The following MSRA variants were observed in gnomAD, a reference collection of about 807,000 sequenced individuals.
MSRA encodes mitochondrial peptide methionine sulfoxide reductase.
A neutral mutation model predicts 31.3 loss-of-function variants in MSRA; 54 were observed. The ratio of observed to expected loss-of-function variants is 1.73; its 90% CI spans 1.39 to 2.17. The LOEUF is 2.17. Among genes scored for constraint, MSRA ranks in the 30% most tolerant of loss-of-function variants. The pLI is 0.00. For synonymous variants in MSRA, 169 were observed against 116.5 expected (o/e 1.45, Z -2.90); for missense variants, 507 against 300.9 (o/e 1.69, Z -5.07).
chr8:10,305,911 A>G (rs1801114002), intron 4 of MSRA, among the ~76,000 whole-genome samples: 2 of 152,236 alleles, frequency 1.3e-5, no homozygotes, highest in South Asian at 4.1e-4. Flanking sequence ...GTGGTCAGTA[A>G]GTGGAATAGT....
chr8:10,062,330 C>CA (rs945109627), intron 1 of MSRA, among the ~76,000 whole-genome samples: 1 of 152,226 alleles, frequency 6.6e-6, no homozygotes, highest in African/African-American at 2.4e-5. Context: ...GAGATGCTTT[C>CA]AGGATGTCAG....
intron 1 of MSRA, among the ~76,000 whole-genome samples, chr8:10,138,509 G>A (rs997048783): frequency 6.6e-6 from 1 of 152,114 alleles, no homozygotes; most frequent in Non-Finnish European, 1.5e-5. Context: ...GAAATAAGAC[G>A]GCTGCTTTCA....
chr8:10,133,534 G>C (rs537229492), intron 1 of MSRA, among the ~76,000 whole-genome samples: 2 of 152,156 alleles, frequency 1.3e-5, no homozygotes, highest in Admixed American at 1.3e-4. Context: ...ATCACTCTAG[G>C]GTTTAAATCT....
intron 4 of MSRA, among the ~76,000 whole-genome samples, chr8:10,311,038 G>T (rs989749166): frequency 1.4e-4 from 21 of 152,154 alleles, no homozygotes; most frequent in Admixed American, 1.2e-3. Flanking sequence ...GAAATGGTAT[G>T]AAATCACTAA....
At chr8:10,371,257 T>A (rs1296354009) in intron 5 of MSRA, among the ~76,000 whole-genome samples, 1 of 152,132 alleles carries the variant, frequency 6.6e-6, no homozygotes, top group Non-Finnish European at 1.5e-5. Flanking sequence ...CATCCCGGCC[T>A]CTAGAGATGG....
chr8:10,271,281 G>A (rs1193269714), intron 3 of MSRA, among the ~76,000 whole-genome samples: 3 of 152,030 alleles, frequency 2.0e-5, no homozygotes, highest in South Asian at 2.1e-4. Flanking sequence ...CCTACCATGG[G>A]GAAGCAAGCA....
intron 5 of MSRA, among the ~76,000 whole-genome samples, chr8:10,386,389 GAT>G (rs1405934423): frequency 6.6e-6 from 1 of 152,164 alleles, no homozygotes; most frequent in Non-Finnish European, 1.5e-5. Flanking sequence ...GTGATGAACA[GAT>G]ATACCTGAAG....
intron 5 of MSRA, among the ~76,000 whole-genome samples, chr8:10,423,253 G>C (rs1585748672): frequency 6.6e-6 from 1 of 152,270 alleles, no homozygotes; most frequent in South Asian, 2.1e-4. Context: ...GGGCCAATGA[G>C]AGGCAGTAAA....
At chr8:10,303,289 C>G (rs577366341) in intron 4 of MSRA, among the ~76,000 whole-genome samples, 2 of 152,216 alleles carry the variant, frequency 1.3e-5, no homozygotes, top group African/African-American at 4.8e-5. Flanking sequence ...GTCAACTTCT[C>G]TCTCCATACC....
chr8:10,392,946 C>A (rs1806850988), intron 5 of MSRA, among the ~76,000 whole-genome samples: 1 of 149,372 alleles, frequency 6.7e-6, no homozygotes, highest in African/African-American at 2.5e-5. Context: ...CCTATAGTCC[C>A]AGCTACTCGG....
At chr8:10,214,212 T>C (rs907463535) in intron 2 of MSRA, among the ~76,000 whole-genome samples, 1 of 152,108 alleles carries the variant, frequency 6.6e-6, no homozygotes, top group African/African-American at 2.4e-5. Context: ...TCGCGTGACC[T>C]TTTTTTGAAC....
intron 3 of MSRA, among the ~76,000 whole-genome samples, chr8:10,288,573 C>G (rs935130869): frequency 6.6e-6 from 1 of 152,118 alleles, no homozygotes; most frequent in African/African-American, 2.4e-5. Context: ...ATAACTGATG[C>G]TTTTGGCACT....
chr8:10,186,239 C>T (rs1194166017), intron 1 of MSRA, among the ~76,000 whole-genome samples: 1 of 152,120 alleles, frequency 6.6e-6, no homozygotes, highest in Non-Finnish European at 1.5e-5. Context: ...CATCCCTGTT[C>T]TAGGACAGGG....
At chr8:10,427,005 G>A (rs919197042) in intron 5 of MSRA, among the ~76,000 whole-genome samples, 19 of 47,946 alleles carry the variant, frequency 4.0e-4, no homozygotes, top group Admixed American at 3.3e-3. Flanking sequence ...CGGCGAAACA[G>A]AGATGCAGGA....
intron 2 of MSRA, among the ~76,000 whole-genome samples, chr8:10,216,439 C>G (rs1018586361): frequency 1.3e-5 from 2 of 152,170 alleles, no homozygotes; most frequent in Non-Finnish European, 2.9e-5. Flanking sequence ...TGAAATTTAT[C>G]ATTGTAACCA....
intron 3 of MSRA, among the ~76,000 whole-genome samples, chr8:10,245,506 G>C (rs569590012): frequency 5.3e-5 from 8 of 152,366 alleles, no homozygotes; most frequent in Middle Eastern, 6.8e-3. Context: ...ATGATCAGCA[G>C]TTGAGGCTGG....
At chr8:10,318,530 T>C (rs1181978362) in intron 4 of MSRA, among the ~76,000 whole-genome samples, 1 of 152,194 alleles carries the variant, frequency 6.6e-6, no homozygotes, top group Non-Finnish European at 1.5e-5. Context: ...GAAAGACATA[T>C]AGGAGTTATT....
intron 5 of MSRA, among the ~76,000 whole-genome samples, chr8:10,322,383 G>T (rs529309881): frequency 6.7e-6 from 1 of 148,306 alleles, no homozygotes; most frequent in South Asian, 2.3e-4. Context: ...GTATGGGTGG[G>T]AGGGAGGGAT....
chr8:10,301,041 T>G (rs2129125153), intron 3 of MSRA, among the ~76,000 whole-genome samples: 1 of 152,320 alleles, frequency 6.6e-6, no homozygotes, highest in South Asian at 2.1e-4. Flanking sequence ...ATGTCCCTCC[T>G]TAACTCACTG....
Sources: allele counts gnomAD v4.1 joint callset (sites outside exome capture counted in the v4.1 genomes callset), GRCh38; gene constraint gnomAD v4.1.1; transcripts MANE v1.5; gene names NCBI Gene and HGNC (gene_info 2026-07-23, HGNC 2026-07-21).